The following ARHGAP15 variants were observed in gnomAD, a reference collection of about 807,000 sequenced individuals.
The protein encoded by ARHGAP15 is rho GTPase-activating protein 15.
ARHGAP15 carries 51 observed loss-of-function variants against 63.7 expected under a neutral mutation model. That is an observed-to-expected ratio of 0.80 (90% CI 0.64 to 1.01). The LOEUF is 1.01. ARHGAP15 is among the 50% of genes least tolerant of loss of function. The probability of loss-of-function intolerance (pLI) is 0.00; values close to 1 mark genes in which losing one functional copy is unlikely to be tolerated. For synonymous variants in ARHGAP15, 191 were observed against 193.8 expected (o/e 0.99, Z 0.12); for missense variants, 560 against 564.6 (o/e 0.99, Z 0.08).
intron 9 of ARHGAP15, among the ~76,000 whole-genome samples, chr2:143,489,978 G>GTTTTCT (rs1553488952): frequency 6.6e-6 from 1 of 152,004 alleles, no homozygotes; most frequent in Non-Finnish European, 1.5e-5. Context: ...CGACATGTCA[G>GTTTTCT]TTTTCTTTTT....
At chr2:143,364,966 G>A (rs972667528) in intron 6 of ARHGAP15, among the ~76,000 whole-genome samples, 11 of 152,090 alleles carry the variant, frequency 7.2e-5, no homozygotes, top group South Asian at 2.1e-4. Flanking sequence ...AGACTGGGCC[G>A]CTGCACTCCA....
At chr2:143,559,226 C>T (rs1036331203) in intron 11 of ARHGAP15, among the ~76,000 whole-genome samples, 2 of 152,054 alleles carry the variant, frequency 1.3e-5, no homozygotes, top group African/African-American at 4.8e-5. Flanking sequence ...GCATTTCCTG[C>T]CTTTAAAAAA....
intron 13 of ARHGAP15, among the ~76,000 whole-genome samples, chr2:143,745,335 G>A (rs1449261779): frequency 2.6e-5 from 4 of 152,160 alleles, no homozygotes; most frequent in Admixed American, 6.5e-5. Flanking sequence ...CACCTTCAGG[G>A]TCCTTTCTCA....
At chr2:143,165,101 A>G (rs911308539) in intron 2 of ARHGAP15, among the ~76,000 whole-genome samples, 7 of 152,062 alleles carry the variant, frequency 4.6e-5, no homozygotes, top group African/African-American at 1.7e-4. Flanking sequence ...GGTGATTTCA[A>G]TAAACTTTTT....
At chr2:143,336,476 T>A (rs1346114529) in intron 6 of ARHGAP15, among the ~76,000 whole-genome samples, 1 of 152,132 alleles carries the variant, frequency 6.6e-6, no homozygotes, top group Non-Finnish European at 1.5e-5. Flanking sequence ...CACTATGACA[T>A]TGAAAGACAA....
intron 12 of ARHGAP15, among the ~76,000 whole-genome samples, chr2:143,689,474 A>G (rs917905341): frequency 1.3e-5 from 2 of 152,158 alleles, no homozygotes; most frequent in African/African-American, 4.8e-5. Context: ...GTTGTTGGAA[A>G]TTTTGTTATG....
chr2:143,765,805 G>A lies in ARHGAP15; in HGVS notation c.1245-2184G>A, dbSNP rs568087924. On this transcript the variant is annotated intron_variant, in intron 13 of 13. Coordinates refer to ENST00000295095, the MANE Select transcript of ARHGAP15 (RefSeq NM_018460.4). ...GTACTGGACCCAGACTGCCTGGGCA[G>A]TCTGGGTCAGTGTCAGCTTGTGTGA... Among the ~76,000 whole-genome samples the A allele has an allele frequency of 3.3e-5, 5 of 152,142 alleles. No individual in the cohort carries two copies. In the South Asian group the frequency reaches 8.3e-4, roughly 25 times the overall value.
At chr2:143,512,226 A>G (rs1053988575) in intron 9 of ARHGAP15, among the ~76,000 whole-genome samples, 1 of 152,184 alleles carries the variant, frequency 6.6e-6, no homozygotes, top group Non-Finnish European at 1.5e-5. Context: ...ATAGTTTAAT[A>G]TCTCTCATAA....
At chr2:143,703,387 T>TCCCTAA in intron 12 of ARHGAP15, 32 bp from the exon 13 acceptor site, 2 of 1,577,440 alleles carry the variant, frequency 1.3e-6, no homozygotes, top group Non-Finnish European at 1.7e-6. Flanking sequence ...TCTTGTTTTT[T>TCCCTAA]CCCTAACCTT....
intron 6 of ARHGAP15, among the ~76,000 whole-genome samples, chr2:143,263,907 C>CT (rs373296096): frequency 0.02 from 752 of 38,422 alleles, 263 homozygotes; most frequent in Non-Finnish European, 0.035. Flanking sequence ...AAGCTGCAGT[C>CT]TTTTTTTTTT....
At chr2:143,490,281 G>C (rs911370996) in intron 9 of ARHGAP15, among the ~76,000 whole-genome samples, 1 of 152,066 alleles carries the variant, frequency 6.6e-6, no homozygotes, top group East Asian at 1.9e-4. Context: ...TTACAGGCAT[G>C]AGCCACCACG....
chr2:143,355,226 A>G lies in ARHGAP15; in HGVS notation c.475-80375A>G, dbSNP rs868352395. 3.2e-4 allele frequency among the ~76,000 whole-genome samples: 48 copies of G among 152,302 alleles called. 1 individual carries two copies. The South Asian group carries it at 4.3e-3, about 14-fold the overall frequency. On this transcript the variant is annotated intron_variant, in intron 6 of 13. Coordinates refer to ENST00000295095, the MANE Select transcript of ARHGAP15 (RefSeq NM_018460.4). Reference sequence around the variant, plus strand: ...AGAATTGCAATTCCATACACAGGATATATCAGCAGTTACCAATTCTCCATA... The same window carrying G: ...AGAATTGCAATTCCATACACAGGATGTATCAGCAGTTACCAATTCTCCATA...
rs116163210 is a variant in ARHGAP15, at chr2:143,155,458, A to G, written c.-14-19A>G. The G allele has an allele frequency of 1.8e-3, 2,747 of 1,553,114 alleles. 48 individuals are homozygous for G. In the African/African-American group the frequency reaches 0.029, roughly 17 times the overall value. On this transcript the variant is annotated intron_variant, in intron 1 of 13. Coordinates refer to ENST00000295095, the MANE Select transcript of ARHGAP15 (RefSeq NM_018460.4). ...AATTGTATGTTTAGAATAACATAAT[A>G]CATTTTATATTTTATCAGGATAGCA... is the stretch of plus-strand genomic sequence containing the variant.
chr2:143,323,693 C>T (rs542014247), intron 6 of ARHGAP15, among the ~76,000 whole-genome samples: 5 of 151,628 alleles, frequency 3.3e-5, no homozygotes, highest in South Asian at 2.1e-4. Context: ...TCAGGAGATC[C>T]GAGACCACGG....
chr2:143,549,953 C>T (rs927600921), intron 10 of ARHGAP15, among the ~76,000 whole-genome samples: 19 of 152,206 alleles, frequency 1.2e-4, no homozygotes, highest in Non-Finnish European at 2.5e-4. Context: ...TACCCATGAC[C>T]ACTGTTTAAT....
intron 6 of ARHGAP15, among the ~76,000 whole-genome samples, chr2:143,287,981 G>A (rs141178175): frequency 3.6e-4 from 55 of 152,288 alleles, no homozygotes; most frequent in East Asian, 1.2e-3. Context: ...TTGTATCGGA[G>A]TCATACTTTG....
intron 12 of ARHGAP15, among the ~76,000 whole-genome samples, chr2:143,658,035 C>T (rs1353443440): frequency 6.6e-6 from 1 of 152,208 alleles, no homozygotes; most frequent in East Asian, 1.9e-4. Context: ...ACTTTTCTTT[C>T]TCATCAGAAT....
chr2:143,511,040 T>C (rs1479309237), intron 9 of ARHGAP15, among the ~76,000 whole-genome samples: 2 of 152,226 alleles, frequency 1.3e-5, no homozygotes, highest in Non-Finnish European at 2.9e-5. Flanking sequence ...TTACTGGGTG[T>C]TCTTTCCATA....
At chr2:143,586,055 T>C (rs1330423541) in intron 11 of ARHGAP15, among the ~76,000 whole-genome samples, 6 of 152,114 alleles carry the variant, frequency 3.9e-5, no homozygotes, top group Middle Eastern at 3.2e-3. Flanking sequence ...AAATAATATA[T>C]CTATATTTAA....
Sources: gnomAD v4.1 joint callset for allele counts (sites outside exome capture counted in the v4.1 genomes callset) on GRCh38, gnomAD v4.1.1 for gene constraint, MANE v1.5 for transcripts, NCBI Gene and HGNC (gene_info 2026-07-23, HGNC 2026-07-21) for gene names.